The following UBE2E2 variants were observed in gnomAD, a reference collection of about 807,000 sequenced individuals.
The protein encoded by UBE2E2 is ubiquitin conjugating enzyme E2 E2.
Under a neutral mutation model 24.7 loss-of-function variants are expected in UBE2E2, and 6 were observed. The ratio of observed to expected loss-of-function variants is 0.24; its 90% CI spans 0.13 to 0.48. The LOEUF is 0.48. Ranked by LOEUF, UBE2E2 falls within the 20% of genes least tolerant of loss-of-function variation. The pLI is 0.99. For missense variants in UBE2E2, 169 were observed against 245.0 expected (o/e 0.69, Z 2.07); for synonymous variants, 104 against 83.6 (o/e 1.24, Z -1.33).
intron 3 of UBE2E2, among the ~76,000 whole-genome samples, chr3:23,277,341 C>T (rs922176555): frequency 1.3e-5 from 2 of 152,266 alleles, no homozygotes; most frequent in African/African-American, 4.8e-5. Flanking sequence ...AGATGCTAGA[C>T]ATGCTGATAA....
chr3:23,388,848 T>C (rs971961675), intron 3 of UBE2E2, among the ~76,000 whole-genome samples: 12 of 150,868 alleles, frequency 8.0e-5, no homozygotes, highest in African/African-American at 2.7e-4. Context: ...CTACTAAAAA[T>C]ACAAAAATTA....
chr3:23,463,151 C>T (rs1362987882), intron 3 of UBE2E2, among the ~76,000 whole-genome samples: 3 of 151,836 alleles, frequency 2.0e-5, no homozygotes, highest in African/African-American at 7.3e-5. Flanking sequence ...TTGTAAGTGC[C>T]CCTTACTTAA....
At chr3:23,295,012 A>G (rs1212969924) in intron 3 of UBE2E2, among the ~76,000 whole-genome samples, 1 of 152,072 alleles carries the variant, frequency 6.6e-6, no homozygotes, top group Non-Finnish European at 1.5e-5. Flanking sequence ...TGTCTTTTTC[A>G]TTTAAACATG....
chr3:23,264,276 C>A (rs1419921269), intron 3 of UBE2E2, among the ~76,000 whole-genome samples: 1 of 150,930 alleles, frequency 6.6e-6, no homozygotes, highest in African/African-American at 2.4e-5. Context: ...CTGTTCGTAT[C>A]TTTAGGTTAC....
intron 3 of UBE2E2, among the ~76,000 whole-genome samples, chr3:23,332,674 G>GGTGTGTGTGTGTGTGTGTGT (rs3086989): frequency 9.3e-6 from 1 of 108,072 alleles, no homozygotes; most frequent in African/African-American, 3.5e-5. Context: ...CAGCCAGTGG[G>GGTGTGTGTGTGTGTGTGTGT]GTGTGTGTGT....
At chr3:23,519,075 C>A (rs908673844) in intron 4 of UBE2E2, among the ~76,000 whole-genome samples, 4 of 152,210 alleles carry the variant, frequency 2.6e-5, no homozygotes, top group Non-Finnish European at 4.4e-5. Context: ...CATTCAACAT[C>A]TACTCCTTCA....
At chr3:23,269,376 G>C (rs901298229) in intron 3 of UBE2E2, among the ~76,000 whole-genome samples, 2 of 152,170 alleles carry the variant, frequency 1.3e-5, no homozygotes, top group Non-Finnish European at 2.9e-5. Context: ...AACCCGCTTG[G>C]AGTTGGCGTG....
intron 3 of UBE2E2, among the ~76,000 whole-genome samples, chr3:23,298,501 T>C (rs1197376735): frequency 6.6e-6 from 1 of 152,070 alleles, no homozygotes; most frequent in Non-Finnish European, 1.5e-5. Flanking sequence ...GCATGAAGAG[T>C]TGTTGAATTT....
At chr3:23,302,606 T>C (rs1393152920) in intron 3 of UBE2E2, among the ~76,000 whole-genome samples, 1 of 152,184 alleles carries the variant, frequency 6.6e-6, no homozygotes, top group Admixed American at 6.5e-5. Context: ...AGCTGGAAAG[T>C]AGTAGGCATC....
chr3:23,302,182 T>C (rs1169248319), intron 3 of UBE2E2, among the ~76,000 whole-genome samples: 1 of 152,182 alleles, frequency 6.6e-6, no homozygotes, highest in African/African-American at 2.4e-5. Context: ...ATATCCAGTC[T>C]GTTTTCAACA....
At chr3:23,203,735 C>G (rs558701743) in intron 1 of UBE2E2, among the ~76,000 whole-genome samples, 1 of 146,186 alleles carries the variant, frequency 6.8e-6, no homozygotes, top group South Asian at 2.3e-4. Context: ...CTACCCCCTT[C>G]CGTTCTCAGT....
chr3:23,410,750 C>T (rs543560696), intron 3 of UBE2E2, among the ~76,000 whole-genome samples: 64 of 152,212 alleles, frequency 4.2e-4, no homozygotes, highest in African/African-American at 1.4e-3. Context: ...CATCAAATGT[C>T]CCCTACTCTC....
At chr3:23,512,589 T>C (rs948132286) in intron 4 of UBE2E2, among the ~76,000 whole-genome samples, 1 of 152,122 alleles carries the variant, frequency 6.6e-6, no homozygotes, top group Non-Finnish European at 1.5e-5. Context: ...CCCTTTTGCC[T>C]CTATTTTTGT....
chr3:23,528,058 C>G (rs1289018444), intron 4 of UBE2E2, among the ~76,000 whole-genome samples: 1 of 152,166 alleles, frequency 6.6e-6, no homozygotes, highest in Non-Finnish European at 1.5e-5. Context: ...TCTTGTGGGA[C>G]TGAGACCTAA....
At position 23,265,016 on chromosome 3, in the gene UBE2E2, G is replaced by C. The variant is rs570399322; in HGVS notation, c.227+47704G>C. ...GTAATAGCGTCAGTAGAGTATTGCA[G>C]AGTTGTGAGTGCAAGGTGAGAAAGC... On this transcript the variant is annotated intron_variant, in intron 3 of 5. Coordinates refer to ENST00000396703, the MANE Select transcript of UBE2E2 (RefSeq NM_152653.4). 2.0e-5 allele frequency among the ~76,000 whole-genome samples: 3 copies of C among 152,286 alleles called. No individual in the cohort carries two copies. The East Asian group carries it at 5.8e-4, about 29-fold the overall frequency.
chr3:23,350,621 G>C (rs1695716627), intron 3 of UBE2E2, among the ~76,000 whole-genome samples: 1 of 152,222 alleles, frequency 6.6e-6, no homozygotes, highest in African/African-American at 2.4e-5. Context: ...TGATCAACTG[G>C]AAGAAAGGGT....
intron 4 of UBE2E2, among the ~76,000 whole-genome samples, chr3:23,514,821 G>A (rs1694692982): frequency 6.6e-6 from 1 of 152,034 alleles, no homozygotes; most frequent in Admixed American, 6.6e-5. Context: ...TACTGAATTG[G>A]TGAACTCCGA....
chr3:23,497,444 A>T (rs1197474503), intron 3 of UBE2E2, among the ~76,000 whole-genome samples: 4 of 152,222 alleles, frequency 2.6e-5, no homozygotes, highest in African/African-American at 9.6e-5. Context: ...AGCTGAGTTC[A>T]TTGCAATAGC....
chr3:23,402,835 G>T (rs1478010092), intron 3 of UBE2E2, among the ~76,000 whole-genome samples: 1 of 152,270 alleles, frequency 6.6e-6, no homozygotes, highest in Non-Finnish European at 1.5e-5. Context: ...TGAATACTTA[G>T]GAAAAGTCTA....
Sources: allele counts gnomAD v4.1 joint callset (sites outside exome capture counted in the v4.1 genomes callset), GRCh38; gene constraint gnomAD v4.1.1; transcripts MANE v1.5; gene names NCBI Gene and HGNC (gene_info 2026-07-23, HGNC 2026-07-21).